RGSL1: variants seen among roughly 807,000 people sequenced by gnomAD.
RGSL1 encodes regulator of G protein signaling protein-like.
Under a neutral mutation model 124.7 loss-of-function variants are expected in RGSL1, and 97 were observed. That is an observed-to-expected ratio of 0.78 (90% CI 0.66 to 0.92). RGSL1 has a LOEUF of 0.92. Ranked by LOEUF, RGSL1 falls within the 40% of genes least tolerant of loss-of-function variation. The pLI, the probability that RGSL1 is intolerant of heterozygous loss-of-function variation, is 0.00. For synonymous variants in RGSL1, 424 were observed against 438.1 expected, an observed-to-expected ratio of 0.97 and a Z score of 0.40; for missense variants, 1,233 against 1,288.4, an observed-to-expected ratio of 0.96 and a Z score of 0.66.
chr1:182,462,559 C>T (rs530529783), intron 4 of RGSL1, among the ~76,000 whole-genome samples: 5 of 152,140 alleles, frequency 3.3e-5, no homozygotes, highest in South Asian at 4.1e-4. Context: ...AATAACTACT[C>T]GTCTAAAAGA....
intron 21 of RGSL1, among the ~76,000 whole-genome samples, chr1:182,557,405 C>T (rs907233556): frequency 6.6e-6 from 1 of 152,132 alleles, no homozygotes; most frequent in Non-Finnish European, 1.5e-5. Flanking sequence ...GGAAGCATTT[C>T]ATCAAAAAAG....
chr1:182,507,990 C>T (rs1407160847), intron 9 of RGSL1, among the ~76,000 whole-genome samples: 3 of 152,118 alleles, frequency 2.0e-5, no homozygotes, highest in Non-Finnish European at 4.4e-5. Flanking sequence ...AGCCACCATG[C>T]CCAGCCCAGA....
Position 182,512,381 on chromosome 1 carries a change from T to C in RGSL1, c.1826-9623T>C, listed in dbSNP as rs538255148. Among the ~76,000 whole-genome samples, 6 of 152,262 alleles carry C rather than the reference T, an allele frequency of 3.9e-5. No individual in the cohort carries two copies. In the South Asian group the frequency reaches 6.2e-4, roughly 16 times the overall value. ...AATATCTTTTTCCATCCCCCCACTT[T>C]CAGTCTGTATATGTGAAATGGGAGA... On this transcript the variant is annotated intron_variant, in intron 9 of 21. Coordinates refer to ENST00000294854, the MANE Select transcript of RGSL1 (RefSeq NM_001137669.2).
chr1:182,529,599 G>T (rs1414139421), intron 11 of RGSL1, among the ~76,000 whole-genome samples: 3 of 152,254 alleles, frequency 2.0e-5, no homozygotes, highest in Middle Eastern at 3.4e-3. Context: ...TGGTATTTTT[G>T]TGTGTTTGGT....
chr1:182,501,972 T>G (rs1049161810), intron 9 of RGSL1, among the ~76,000 whole-genome samples: 1 of 152,200 alleles, frequency 6.6e-6, no homozygotes, highest in Non-Finnish European at 1.5e-5. Flanking sequence ...GTTTGTGCAT[T>G]TTTTGAACTT....
chr1:182,508,242 C>A (rs915689464), intron 9 of RGSL1, among the ~76,000 whole-genome samples: 2 of 147,076 alleles, frequency 1.4e-5, no homozygotes, highest in Non-Finnish European at 3.0e-5. Context: ...GAGATCATAT[C>A]GCATTGTAAT....
intron 9 of RGSL1, among the ~76,000 whole-genome samples, chr1:182,513,353 G>A (rs547019378): frequency 1.3e-5 from 2 of 152,296 alleles, no homozygotes; most frequent in African/African-American, 2.4e-5. Context: ...GGAGTTTGAT[G>A]TCCTAGGTGA....
Position 182,460,053 on chromosome 1 carries a change from C to T in RGSL1, c.221C>T (p.Pro74Leu). ...LLTWLEKCRL[P>L]FFCKTNLCFH... The stretch of plus-strand genomic sequence containing the variant: ...ACCTGGTTGGAAAAATGCCGATTAC[C>T]TTTCTTCTGTAAAACAAACTTGTGT... Residue 74 changes from proline (P) to leucine (L), a missense_variant, in exon 4 of 22, where the codon CCT becomes CTT. Coordinates refer to ENST00000294854, the MANE Select transcript of RGSL1 (RefSeq NM_001137669.2). 6.4e-7 allele frequency: 1 copy of T among 1,551,624 alleles called. No homozygotes were observed. Among genetic ancestry groups the T allele is most frequent in the Non-Finnish European group, 8.7e-7 (1 of 1,146,950 alleles).
At position 182,450,182 on chromosome 1, in the gene RGSL1, A is replaced by C; in HGVS notation, c.13+4A>C. On this transcript the variant is annotated splice_donor_region_variant and intron_variant, in intron 1 of 21. Transcript: ENST00000294854. ...CATGGCAACATGAGCAGTGCTGGTG[A>C]GTCTCTGCCAGGGATGTCTCCAAGG... 2.6e-6 allele frequency: 4 copies of C among 1,552,138 alleles called. No homozygotes were observed. The highest frequency in any genetic ancestry group is 3.5e-6 in the Non-Finnish European group (4 of 1,147,066).
intron 4 of RGSL1, among the ~76,000 whole-genome samples, chr1:182,463,293 CAAAA>C (rs1213777400): frequency 1.7e-5 from 1 of 60,512 alleles, no homozygotes. Context: ...GACTCCATCT[CAAAA>C]AAAAAAAAAA....
chr1:182,506,675 A>T (rs1215561119), intron 9 of RGSL1, among the ~76,000 whole-genome samples: 1 of 152,106 alleles, frequency 6.6e-6, no homozygotes, highest in Non-Finnish European at 1.5e-5. Flanking sequence ...ATTGCCTTTT[A>T]GTAAGCATAT....
At chr1:182,493,167 G>GT in intron 9 of RGSL1, 38 bp downstream of exon 9, 1 of 1,351,252 alleles carries the variant, frequency 7.4e-7, no homozygotes, top group South Asian at 1.3e-5. Flanking sequence ...AGGCAACTAG[G>GT]TTTTTTCAAA....
chr1:182,503,320 T>C (rs556366288), intron 9 of RGSL1, among the ~76,000 whole-genome samples: 1 of 152,166 alleles, frequency 6.6e-6, no homozygotes, highest in East Asian at 1.9e-4. Flanking sequence ...AAGATGGACA[T>C]GGATAAAGAA....
chr1:182,495,042 T>A (rs1655815171), intron 9 of RGSL1, among the ~76,000 whole-genome samples: 1 of 152,222 alleles, frequency 6.6e-6, no homozygotes, highest in African/African-American at 2.4e-5. Context: ...TCAGTTCCAG[T>A]CAAAATGAAT....
At chr1:182,472,370 C>G (rs1653916804) in intron 4 of RGSL1, 26 bp from the exon 5 acceptor site, 3 of 1,537,632 alleles carry the variant, frequency 2.0e-6, no homozygotes, top group African/African-American at 1.4e-5. Flanking sequence ...GGGTATAGCT[C>G]TGTGCCTCTT....
chr1:182,469,648 T>G (rs1571501416), intron 4 of RGSL1, among the ~76,000 whole-genome samples: 1 of 152,320 alleles, frequency 6.6e-6, no homozygotes, highest in East Asian at 1.9e-4. Context: ...CAATTTAACT[T>G]CTGAGTATAC....
chr1:182,515,381 G>A (rs571973738), intron 9 of RGSL1, among the ~76,000 whole-genome samples: 2 of 152,082 alleles, frequency 1.3e-5, no homozygotes, highest in South Asian at 4.1e-4. Flanking sequence ...CTGGAATCGA[G>A]TTTGGGACAA....
Position 182,553,558 on chromosome 1 carries a change from T to C in RGSL1, c.3130+17T>C. The C allele has an allele frequency of 1.3e-6, 2 of 1,549,018 alleles. No individual in the cohort carries two copies. The highest frequency in any genetic ancestry group is 1.7e-6 in the Non-Finnish European group (2 of 1,144,676). ...TTCAAAATTGTGAGTTGGAATTGGA[T>C]CCCCACTGATAGTTTGCTACTCAAT... On this transcript the variant is annotated intron_variant, in intron 19 of 21. Coordinates refer to ENST00000294854, the MANE Select transcript of RGSL1 (RefSeq NM_001137669.2).
chr1:182,558,843 T>C (rs1274242494), intron 21 of RGSL1, among the ~76,000 whole-genome samples: 7 of 152,122 alleles, frequency 4.6e-5, no homozygotes, highest in African/African-American at 1.7e-4. Context: ...TTAAGGTCCT[T>C]AGCCTTAATT....
Sources: gnomAD v4.1 joint callset for allele counts (sites outside exome capture counted in the v4.1 genomes callset) on GRCh38, gnomAD v4.1.1 for gene constraint, MANE v1.5 for transcripts, NCBI Gene and HGNC (gene_info 2026-07-23, HGNC 2026-07-21) for gene names.